Variants in MAML3 observed in about 807,000 individuals in gnomAD.
The protein encoded by MAML3 is mastermind like transcriptional coactivator 3.
Under a neutral mutation model 101.9 loss-of-function variants are expected in MAML3, and 27 were observed. The observed-to-expected ratio is 0.27, with a 90% CI of 0.20 to 0.37. The LOEUF is 0.37. Among genes scored for constraint, MAML3 ranks in the 10% least tolerant of loss-of-function variants. MAML3 has a pLI of 1.00. For synonymous variants in MAML3, 501 were observed against 555.9 expected (o/e 0.90, Z 1.39); for missense variants, 1,316 against 1,444.9 (o/e 0.91, Z 1.45).
chr4:140,122,057 C>T (rs1728614627), intron 1 of MAML3, among the ~76,000 whole-genome samples: 1 of 152,124 alleles, frequency 6.6e-6, no homozygotes, highest in Non-Finnish European at 1.5e-5. Context: ...TTTCCTGAGG[C>T]CTCCCCAGCC....
At chr4:139,985,591 T>G (rs1390399998) in intron 1 of MAML3, among the ~76,000 whole-genome samples, 1 of 152,256 alleles carries the variant, frequency 6.6e-6, no homozygotes, top group African/African-American at 2.4e-5. Flanking sequence ...ACCAGCTGTT[T>G]ATGTCATTTA....
intron 1 of MAML3, among the ~76,000 whole-genome samples, chr4:140,047,041 A>T (rs868280302): frequency 5.9e-5 from 9 of 152,082 alleles, no homozygotes; most frequent in Non-Finnish European, 1.0e-4. Context: ...GAAGGACTGG[A>T]AGATGCCGTC....
chr4:139,835,540 T>C (rs1731242827), intron 2 of MAML3, among the ~76,000 whole-genome samples: 2 of 152,216 alleles, frequency 1.3e-5, no homozygotes. Context: ...AATATACAGA[T>C]ACCCATGATA....
At position 139,998,742 on chromosome 4, in the gene MAML3, T is replaced by A. The variant is rs537817704; in HGVS notation, c.469-107775A>T. Among the ~76,000 whole-genome samples the A allele has an allele frequency of 3.3e-5, 5 of 152,364 alleles. No individual in the cohort carries two copies. In the South Asian group the frequency reaches 1.0e-3, roughly 32 times the overall value. The stretch of plus-strand genomic sequence containing the variant: ...CCCCTGAAAGTTGTTGCTTCTGTTT[T>A]TGTTTATTTCTTTAGTAACTGGCCT... On this transcript the variant is annotated intron_variant, in intron 1 of 4. Coordinates refer to ENST00000509479, the MANE Select transcript of MAML3 (RefSeq NM_018717.5).
chr4:139,799,495 A>G (rs1730568902), intron 2 of MAML3, among the ~76,000 whole-genome samples: 1 of 152,204 alleles, frequency 6.6e-6, no homozygotes, highest in Non-Finnish European at 1.5e-5. Flanking sequence ...ATAGATAGAT[A>G]CTTTAAACCC....
intron 2 of MAML3, among the ~76,000 whole-genome samples, chr4:139,746,503 T>A (rs1293226425): frequency 2.0e-5 from 3 of 152,158 alleles, no homozygotes; most frequent in Non-Finnish European, 4.4e-5. Flanking sequence ...TCCACAACAC[T>A]CTGAAATTAC....
At chr4:139,831,354 TTAAAA>T (rs1191718759) in intron 2 of MAML3, among the ~76,000 whole-genome samples, 34 of 152,120 alleles carry the variant, frequency 2.2e-4, no homozygotes, top group Admixed American at 1.3e-4. Flanking sequence ...ACCTAAAATC[TTAAAA>T]TAAAAAAATC....
chr4:139,772,042 A>G (rs1224387260), intron 2 of MAML3, among the ~76,000 whole-genome samples: 4 of 151,326 alleles, frequency 2.6e-5, no homozygotes, highest in South Asian at 2.1e-4. Context: ...GATCCAGACC[A>G]TCCTGGCTAA....
chr4:139,826,205 G>A (rs1364577770), intron 2 of MAML3, among the ~76,000 whole-genome samples: 3 of 151,858 alleles, frequency 2.0e-5, no homozygotes, highest in African/African-American at 4.8e-5. Flanking sequence ...TCCTGACCCC[G>A]GGCCCCACCT....
chr4:140,120,103 G>A (rs569499291), intron 1 of MAML3, among the ~76,000 whole-genome samples: 1 of 152,190 alleles, frequency 6.6e-6, no homozygotes, highest in Non-Finnish European at 1.5e-5. Context: ...CGGGCGTGGT[G>A]GCGGGCGCCT....
At chr4:139,826,914 G>A (rs956152687) in intron 2 of MAML3, among the ~76,000 whole-genome samples, 14 of 137,316 alleles carry the variant, frequency 1.0e-4, no homozygotes, top group Non-Finnish European at 2.1e-4. Context: ...GAAACTAAAC[G>A]CGCCACTGCA....
rs985357001 is a variant in MAML3, at chr4:139,891,045, G to A, written c.469-78C>T. On this transcript the variant is annotated intron_variant, in intron 1 of 4. Coordinates refer to ENST00000509479, the MANE Select transcript of MAML3 (RefSeq NM_018717.5). ...CTTTAAGGATTGAGATGTGCATTGC[G>A]ATGAACTAACTTTTAAGTGGTTTAC... 3.5e-5 allele frequency: 52 copies of A among 1,473,332 alleles called. No individual in the cohort carries two copies. In the Middle Eastern group the frequency reaches 5.4e-4, roughly 15 times the overall value. 91.3% of individuals were successfully genotyped at this position (1,473,332 alleles called of 1,614,324 possible). A position where few individuals can be genotyped will look rare whatever the true frequency, so the allele number is the denominator to read the frequency against.
intron 2 of MAML3, among the ~76,000 whole-genome samples, chr4:139,824,300 G>A (rs930920493): frequency 5.9e-5 from 9 of 152,164 alleles, no homozygotes; most frequent in Admixed American, 3.9e-4. Context: ...TCAGAATGCC[G>A]CACGCATTTG....
chr4:139,935,350 T>C (rs1056200097), intron 1 of MAML3, among the ~76,000 whole-genome samples: 4 of 152,196 alleles, frequency 2.6e-5, no homozygotes, highest in African/African-American at 9.7e-5. Context: ...GAGAAGGTTT[T>C]ATATATTGAA....
At chr4:139,933,353 T>A (rs1733440227) in intron 1 of MAML3, among the ~76,000 whole-genome samples, 1 of 152,130 alleles carries the variant, frequency 6.6e-6, no homozygotes. Context: ...TGAGGTAAAC[T>A]GGGGCGCTGT....
chr4:140,013,769 C>A (rs1206095078), intron 1 of MAML3, among the ~76,000 whole-genome samples: 1 of 152,246 alleles, frequency 6.6e-6, no homozygotes, highest in Non-Finnish European at 1.5e-5. Context: ...AGTCTTACTT[C>A]CCCATCCCCA....
chr4:140,098,337 G>A (rs570769835), intron 1 of MAML3, among the ~76,000 whole-genome samples: 1 of 152,286 alleles, frequency 6.6e-6, no homozygotes, highest in South Asian at 2.1e-4. Flanking sequence ...TGTGTAATGG[G>A]GAACTAGGTT....
At chr4:139,750,497 G>A (rs1578579741) in intron 2 of MAML3, among the ~76,000 whole-genome samples, 1 of 152,312 alleles carries the variant, frequency 6.6e-6, no homozygotes, top group East Asian at 1.9e-4. Context: ...GTTCCTTGGA[G>A]ATATTAAGCC....
chr4:139,764,268 C>A (rs904074195), intron 2 of MAML3, among the ~76,000 whole-genome samples: 1 of 152,190 alleles, frequency 6.6e-6, no homozygotes, highest in Non-Finnish European at 1.5e-5. Context: ...TTTAAACATC[C>A]TTTTGCTAGA....
Sources: gnomAD v4.1 joint callset for allele counts (sites outside exome capture counted in the v4.1 genomes callset) on GRCh38, gnomAD v4.1.1 for gene constraint, MANE v1.5 for transcripts, NCBI Gene and HGNC (gene_info 2026-07-23, HGNC 2026-07-21) for gene names.